Variants in CNTNAP2 observed in about 807,000 individuals in gnomAD.
The protein encoded by CNTNAP2 is contactin-associated protein-like 2.
A neutral mutation model predicts 155.2 loss-of-function variants in CNTNAP2; 98 were observed. The ratio of observed to expected loss-of-function variants is 0.63; its 90% CI spans 0.54 to 0.75. CNTNAP2 has a LOEUF of 0.75. Ranked by LOEUF, CNTNAP2 falls within the 30% of genes least tolerant of loss-of-function variation. The pLI is 0.00. For missense variants in CNTNAP2, 1,727 were observed against 1,688.1 expected (o/e 1.02, Z -0.40); for synonymous variants, 651 against 631.2 (o/e 1.03, Z -0.47).
intron 13 of CNTNAP2, among the ~76,000 whole-genome samples, chr7:147,902,554 C>T (rs1799886740): frequency 6.6e-6 from 1 of 151,790 alleles, no homozygotes; most frequent in African/African-American, 2.4e-5. Context: ...TATCCCTCAC[C>T]CCCTTCCCAC....
chr7:148,176,234 T>TC (rs1262231878), intron 18 of CNTNAP2, among the ~76,000 whole-genome samples: 2 of 96,952 alleles, frequency 2.1e-5, no homozygotes, highest in African/African-American at 8.4e-5. Context: ...TTTTTTTTTT[T>TC]TTTTGAGATG....
chr7:147,412,134 C>G (rs772143352), intron 10 of CNTNAP2, among the ~76,000 whole-genome samples: 1 of 152,226 alleles, frequency 6.6e-6, no homozygotes, highest in Admixed American at 6.5e-5. Flanking sequence ...ACCTCCTACT[C>G]GAAATTCATC....
chr7:147,602,984 C>A (rs1477975670), intron 12 of CNTNAP2, among the ~76,000 whole-genome samples: 7 of 152,084 alleles, frequency 4.6e-5, no homozygotes, highest in Non-Finnish European at 1.5e-5. Context: ...GATTTATAGT[C>A]CTTTGGGTAT....
intron 3 of CNTNAP2, among the ~76,000 whole-genome samples, chr7:147,004,175 A>G (rs893734476): frequency 3.3e-5 from 5 of 150,762 alleles, no homozygotes. Flanking sequence ...AATAAAATCG[A>G]TGAATTCAAT....
At chr7:146,616,785 C>A (rs956325802) in intron 1 of CNTNAP2, among the ~76,000 whole-genome samples, 2 of 152,162 alleles carry the variant, frequency 1.3e-5, no homozygotes, top group African/African-American at 4.8e-5. Flanking sequence ...ACATTTGTAG[C>A]ATTCCTTTTC....
intron 1 of CNTNAP2, among the ~76,000 whole-genome samples, chr7:146,287,168 C>A (rs748266109): frequency 9.9e-5 from 15 of 152,146 alleles, no homozygotes; most frequent in Admixed American, 2.6e-4. Context: ...TTAAATTATT[C>A]TTTCTGCCTT....
chr7:147,818,143 T>G (rs116176191), intron 13 of CNTNAP2, among the ~76,000 whole-genome samples: 1 of 152,090 alleles, frequency 6.6e-6, no homozygotes, highest in Non-Finnish European at 1.5e-5. Context: ...TATTGTGTGG[T>G]TGCTCTGTGA....
At chr7:147,955,301 A>G (rs1412999362) in intron 14 of CNTNAP2, among the ~76,000 whole-genome samples, 1 of 152,170 alleles carries the variant, frequency 6.6e-6, no homozygotes, top group Non-Finnish European at 1.5e-5. Context: ...TTAAATATTT[A>G]TTTTAAGACA....
chr7:147,217,554 T>A (rs929329812), intron 8 of CNTNAP2, among the ~76,000 whole-genome samples: 1 of 152,154 alleles, frequency 6.6e-6, no homozygotes, highest in East Asian at 1.9e-4. Flanking sequence ...TTCAATTTGC[T>A]AATATTTTGT....
intron 12 of CNTNAP2, among the ~76,000 whole-genome samples, chr7:147,592,407 C>T (rs1410075666): frequency 6.7e-6 from 1 of 150,216 alleles, no homozygotes; most frequent in Non-Finnish European, 1.5e-5. Context: ...AAATTAAAAG[C>T]CTACATAGCA....
chr7:147,110,816 A>C (rs572522407), intron 5 of CNTNAP2, among the ~76,000 whole-genome samples: 1 of 152,278 alleles, frequency 6.6e-6, no homozygotes, highest in South Asian at 2.1e-4. Flanking sequence ...TGCTATTGTG[A>C]ATAGTGCTGC....
chr7:148,323,040 A>C (rs1797823652), intron 21 of CNTNAP2, among the ~76,000 whole-genome samples: 1 of 151,502 alleles, frequency 6.6e-6, no homozygotes, highest in African/African-American at 2.4e-5. Flanking sequence ...TAAATACATC[A>C]CTATTGTTAT....
intron 13 of CNTNAP2, among the ~76,000 whole-genome samples, chr7:147,902,075 A>G (rs549188196): frequency 2.0e-5 from 3 of 152,348 alleles, no homozygotes; most frequent in South Asian, 2.1e-4. Flanking sequence ...ACCAGTCACG[A>G]GAATTGTATG....
intron 1 of CNTNAP2, among the ~76,000 whole-genome samples, chr7:146,557,877 T>C (rs1798220011): frequency 6.6e-6 from 1 of 152,218 alleles, no homozygotes; most frequent in South Asian, 2.1e-4. Flanking sequence ...GTTATAGTTT[T>C]ATTTCCTGAT....
intron 13 of CNTNAP2, among the ~76,000 whole-genome samples, chr7:147,680,515 G>A (rs1250097251): frequency 1.3e-5 from 2 of 151,872 alleles, no homozygotes; most frequent in Non-Finnish European, 2.9e-5. Context: ...GGCCCCGGCT[G>A]TTTCTGAGAT....
At chr7:147,011,931 A>C (rs1798635401) in intron 3 of CNTNAP2, among the ~76,000 whole-genome samples, 1 of 152,200 alleles carries the variant, frequency 6.6e-6, no homozygotes, top group South Asian at 2.1e-4. Flanking sequence ...ACCTGGGTCT[A>C]CTAGAATTAG....
chr7:147,073,766 C>A (rs543423283), intron 4 of CNTNAP2, among the ~76,000 whole-genome samples: 2 of 152,092 alleles, frequency 1.3e-5, no homozygotes, highest in Admixed American at 1.3e-4. Context: ...AAGATGAGGA[C>A]TAAAATATTG....
At chr7:146,309,026 A>G (rs1365805385) in intron 1 of CNTNAP2, among the ~76,000 whole-genome samples, 3 of 152,142 alleles carry the variant, frequency 2.0e-5, no homozygotes, top group Non-Finnish European at 4.4e-5. Context: ...ACAGCAAACA[A>G]CAGACTATCT....
chr7:147,804,864 T>A (rs1445576187), intron 13 of CNTNAP2, among the ~76,000 whole-genome samples: 6 of 151,824 alleles, frequency 4.0e-5, no homozygotes, highest in African/African-American at 1.5e-4. Context: ...CTGCTTCAGT[T>A]TTTAACCTCA....
Sources: allele counts gnomAD v4.1 joint callset (sites outside exome capture counted in the v4.1 genomes callset), GRCh38; gene constraint gnomAD v4.1.1; transcripts MANE v1.5; gene names NCBI Gene and HGNC (gene_info 2026-07-23, HGNC 2026-07-21).